The following CLIP1 variants were observed in gnomAD, a reference collection of about 807,000 sequenced individuals.
CLIP1 encodes the protein CAP-Gly domain-containing linker protein 1.
In CLIP1, 66 loss-of-function variants were observed where a neutral mutation model predicts 161.6. The observed-to-expected ratio is 0.41, with a 90% confidence interval of 0.33 to 0.50. The LOEUF is 0.50. Ranked by LOEUF, CLIP1 falls within the 20% of genes least tolerant of loss-of-function variation. CLIP1 has a pLI of 0.27. For synonymous variants in CLIP1, 598 were observed against 626.2 expected (o/e 0.96, Z 0.67); for missense variants, 1,376 against 1,702.0 (o/e 0.81, Z 3.37).
intron 1 of CLIP1, among the ~76,000 whole-genome samples, chr12:122,416,672 G>A (rs1956768859): frequency 6.6e-6 from 1 of 151,744 alleles, no homozygotes; most frequent in African/African-American, 2.4e-5. Flanking sequence ...AAGCTGCAGT[G>A]GGTAGATCAC....
At chr12:122,292,709 A>G (rs1157740774) in intron 20 of CLIP1, among the ~76,000 whole-genome samples, 1 of 152,196 alleles carries the variant, frequency 6.6e-6, no homozygotes, top group East Asian at 1.9e-4. Context: ...TATTGTTAAG[A>G]AAGTATAAAG....
intron 3 of CLIP1, among the ~76,000 whole-genome samples, chr12:122,372,187 G>A (rs926227299): frequency 1.3e-5 from 2 of 151,796 alleles, no homozygotes; most frequent in Admixed American, 1.3e-4. Context: ...TTGGGAGGCC[G>A]AGGCGAGCAG....
chr12:122,357,347 A>G (rs1273499853), intron 5 of CLIP1, among the ~76,000 whole-genome samples: 49 of 148,418 alleles, frequency 3.3e-4, no homozygotes, highest in Middle Eastern at 3.5e-3. Context: ...AGAAGAGAGG[A>G]GACCCTCCGC....
At chr12:122,422,732 C>CCG (rs1457414025), upstream of CLIP1, 6 of 117,956 alleles carry the variant, frequency 5.1e-5, no homozygotes, top group East Asian at 1.5e-3. Flanking sequence ...CCGGCCGGCC[C>CCG]GGCCGGCCCG....
At chr12:122,290,876 T>A (rs79620230) in intron 20 of CLIP1, among the ~76,000 whole-genome samples, 16,062 of 151,128 alleles carry the variant, frequency 0.11, 2,756 homozygotes, top group African/African-American at 0.37. Flanking sequence ...TATTTTTTTT[T>A]ATTTTTTTTA....
chr12:122,391,581 C>T (rs1188771897), intron 1 of CLIP1, among the ~76,000 whole-genome samples: 2 of 152,116 alleles, frequency 1.3e-5, no homozygotes, highest in African/African-American at 2.4e-5. Context: ...AGCGAGACTT[C>T]GTCTCAAAAA....
At chr12:122,352,672 G>T (rs371526799) in intron 8 of CLIP1, 54 bp downstream of exon 8, 2 of 1,432,146 alleles carry the variant, frequency 1.4e-6, no homozygotes, top group Non-Finnish European at 9.9e-7. Flanking sequence ...TATTTCGCCC[G>T]TGTTCTGAAT....
chr12:122,409,134 C>CT (rs1055516587), intron 1 of CLIP1, among the ~76,000 whole-genome samples: 21 of 148,614 alleles, frequency 1.4e-4, no homozygotes, highest in African/African-American at 2.2e-4. Flanking sequence ...TTTTCTTTTT[C>CT]TTTTTTTTTG....
chr12:122,383,598 C>T (rs549279919), intron 1 of CLIP1, among the ~76,000 whole-genome samples: 4 of 152,296 alleles, frequency 2.6e-5, no homozygotes, highest in African/African-American at 9.6e-5. Context: ...AAAATCTAGT[C>T]TGTCTCAATA....
rs1401480075 is a variant in CLIP1, at chr12:122,271,559, C to T, written c.*1316G>A. 1 of 152,576 alleles carries T rather than the reference C, an allele frequency of 6.6e-6. No homozygotes were observed. Among genetic ancestry groups the T allele is most frequent in the Non-Finnish European group, 1.5e-5 (1 of 68,028 alleles). The allele number at this position is 152,576 out of a possible 1,614,324, so 9.5% of individuals were successfully genotyped here. ...TTATAACCAAAAATTTCAACTGGTA[C>T]CAGATTGAATATTCACTGTCGAACA... On this transcript the variant is annotated 3_prime_UTR_variant, in exon 26 of 26. Transcript: ENST00000620786.
intron 1 of CLIP1, among the ~76,000 whole-genome samples, chr12:122,404,181 G>A (rs920418366): frequency 2.0e-5 from 3 of 152,196 alleles, no homozygotes; most frequent in South Asian, 2.1e-4. Context: ...AGTTTGGGGC[G>A]CAGGCCACAG....
chr12:122,277,372 A>T, intron 24 of CLIP1: 2 of 143,370 alleles, frequency 1.4e-5, no homozygotes, highest in African/African-American at 2.6e-5. Context: ...TTTTGTAGAG[A>T]TGAGGTCTCG....
intron 7 of CLIP1, among the ~76,000 whole-genome samples, chr12:122,353,605 C>A (rs1440088609): frequency 2.0e-5 from 3 of 152,056 alleles, no homozygotes; most frequent in African/African-American, 7.2e-5. Flanking sequence ...CAGAGTGAGA[C>A]CCTGTCTCAA....
intron 1 of CLIP1, among the ~76,000 whole-genome samples, chr12:122,384,690 G>A (rs757050157): frequency 4.0e-5 from 6 of 151,884 alleles, no homozygotes; most frequent in Admixed American, 6.6e-5. Flanking sequence ...GAACCCAGGA[G>A]GCGGAGGTTA....
chr12:122,357,526 CCCGGCCAG>C (rs1312988777), intron 5 of CLIP1, among the ~76,000 whole-genome samples: 2 of 149,128 alleles, frequency 1.3e-5, no homozygotes, highest in Admixed American at 6.6e-5. Flanking sequence ...CAGCCCGCCA[CCCGGCCAG>C]CCGCCCCGTC....
chr12:122,368,545 T>C (rs1027533856), intron 3 of CLIP1, among the ~76,000 whole-genome samples: 2 of 152,168 alleles, frequency 1.3e-5, no homozygotes, highest in Non-Finnish European at 2.9e-5. Flanking sequence ...CTATAAAATG[T>C]CTCAAGAGCA....
At chr12:122,346,652 G>A (rs566893415) in intron 10 of CLIP1, among the ~76,000 whole-genome samples, 19 of 152,202 alleles carry the variant, frequency 1.2e-4, no homozygotes, top group African/African-American at 3.1e-4. Context: ...ACAGGCATGC[G>A]CCACCAGGCC....
chr12:122,382,540 A>G (rs1046883662), intron 1 of CLIP1, among the ~76,000 whole-genome samples: 1 of 151,172 alleles, frequency 6.6e-6, no homozygotes, highest in African/African-American at 2.4e-5. Context: ...ACATAGAAAG[A>G]AGGCCACGTG....
chr12:122,340,631 G>T, intron 11 of CLIP1, 122 bp downstream of exon 11: 1 of 739,128 alleles, frequency 1.4e-6, no homozygotes, highest in Non-Finnish European at 2.2e-6. Context: ...CTCAACTGGG[G>T]ACATCAAGCA....
Sources: gnomAD v4.1 joint callset for allele counts (sites outside exome capture counted in the v4.1 genomes callset) on GRCh38, gnomAD v4.1.1 for gene constraint, MANE v1.5 for transcripts, NCBI Gene and HGNC (gene_info 2026-07-23, HGNC 2026-07-21) for gene names.